B9D1: variants seen among roughly 807,000 people sequenced by gnomAD.
B9D1 encodes B9 domain containing 1.
Under a neutral mutation model 26.1 loss-of-function variants are expected in B9D1, and 20 were observed. That is an observed-to-expected ratio of 0.77 (90% CI 0.54 to 1.12). B9D1 has a LOEUF of 1.12. Ranked by LOEUF, B9D1 falls within the 50% of genes most tolerant of loss-of-function variation. B9D1 has a pLI of 0.00. For synonymous variants in B9D1, 105 were observed against 103.1 expected (o/e 1.02, Z -0.11); for missense variants, 260 against 273.7 (o/e 0.95, Z 0.35).
At chr17:19,337,471 C>G, downstream of B9D1, 1 of 482,834 alleles carries the variant, frequency 2.1e-6, no homozygotes, top group Non-Finnish European at 3.8e-6. Flanking sequence ...CCTCTGCTCT[C>G]TGTGCAAGTG....
In B9D1 at chr17:19,347,741, A is replaced by G; in HGVS notation, c.341+43T>C. 1 of 1,578,450 alleles carries G rather than the reference A, an allele frequency of 6.3e-7. No individual in the cohort carries two copies. The highest frequency in any genetic ancestry group is 1.1e-5 in the South Asian group (1 of 89,852). ...CAGAAAACGAGGTGAAGTCTGTCCT[A>G]GGACAAGTCCTGCCCAGGGCCCAGG... On this transcript the variant is annotated intron_variant, in intron 4 of 6. Transcript: ENST00000261499. This position sits in a 1 kb window ranked among gnomAD's most constrained non-coding sequence, Gnocchi z 4.3.
chr17:19,352,136 T>G (rs1909686072), intron 3 of B9D1, among the ~76,000 whole-genome samples: 1 of 152,158 alleles, frequency 6.6e-6, no homozygotes, highest in African/African-American at 2.4e-5. Flanking sequence ...TCCTACCGCC[T>G]CAGCCTCCCA....
downstream of B9D1, among the ~76,000 whole-genome samples, chr17:19,341,994 G>C (rs1908022806): frequency 6.6e-6 from 1 of 152,176 alleles, no homozygotes; most frequent in Non-Finnish European, 1.5e-5. Context: ...CCTCAATCCA[G>C]ACTTTGGAGG....
chr17:19,371,192 G>C (rs1911875456), intron 1 of B9D1: 1 of 152,568 alleles, frequency 6.6e-6, no homozygotes, highest in South Asian at 2.1e-4. Flanking sequence ...TGTGCGTCCT[G>C]TGTGTGGATT....
Position 19,372,730 on chromosome 17 carries a change from G to C in B9D1, c.-298+5129C>G, listed in dbSNP as rs990513761. ...GATGCCCCGGCCTCCATGTGACGGA[G>C]CTGGATTCAAACCCAGGTGTTTCTG... is the stretch of plus-strand genomic sequence containing the variant. On this transcript the variant is annotated intron_variant, in intron 1 of 5. Coordinates refer to the B9D1 transcript ENST00000477478. This position sits in a 1 kb window ranked among gnomAD's most constrained non-coding sequence, Gnocchi z 4.4. 6.6e-6 allele frequency among the ~76,000 whole-genome samples: 1 copy of C among 152,198 alleles called. No homozygotes were observed. Among genetic ancestry groups the C allele is most frequent in the Non-Finnish European group, 1.5e-5 (1 of 68,048 alleles).
downstream of B9D1, among the ~76,000 whole-genome samples, chr17:19,337,002 T>A (rs1907505207): frequency 6.6e-6 from 1 of 152,226 alleles, no homozygotes; most frequent in African/African-American, 2.4e-5. Flanking sequence ...GCCCTCTTAA[T>A]GCGGCCTTGT....
Position 19,343,874 on chromosome 17 carries a change from A to C in B9D1, c.405-17T>G. On this transcript the variant is annotated splice_polypyrimidine_tract_variant and intron_variant, in intron 5 of 6. Transcript: ENST00000261499. ...ATGAACCAGCTGGGAACACAGAAGA[A>C]CACAGGTGAGCAGGGCCCCACCTGG... The C allele has an allele frequency of 6.2e-7, 1 of 1,613,760 alleles. No individual in the cohort carries two copies. The highest frequency in any genetic ancestry group is 8.5e-7 in the Non-Finnish European group (1 of 1,179,852).
At chr17:19,354,620 G>A (rs1295107967) in intron 3 of B9D1, among the ~76,000 whole-genome samples, 1 of 152,134 alleles carries the variant, frequency 6.6e-6, no homozygotes, top group Non-Finnish European at 1.5e-5. Context: ...ATGAGGTCAG[G>A]AGTTCAAGAC....
At chr17:19,362,922 C>T (rs988895433), upstream of B9D1, 1 of 393,584 alleles carries the variant, frequency 2.5e-6, no homozygotes, top group South Asian at 2.1e-5. Context: ...CGGCCCGGCT[C>T]CCCGTCCCCG....
downstream of B9D1, chr17:19,341,306 C>G: frequency 8.1e-7 from 1 of 1,232,112 alleles, no homozygotes; most frequent in East Asian, 3.2e-5. Context: ...GAGAAGACAG[C>G]TTTCCGGGGA....
intron 1 of B9D1, among the ~76,000 whole-genome samples, chr17:19,374,900 A>G (rs1912037969): frequency 6.6e-6 from 1 of 152,232 alleles, no homozygotes. Flanking sequence ...TAATAAGGTA[A>G]TATCTGTATC....
upstream of B9D1, among the ~76,000 whole-genome samples, chr17:19,365,716 T>C (rs1911556512): frequency 6.6e-6 from 1 of 152,140 alleles, no homozygotes; most frequent in Non-Finnish European, 1.5e-5. The surrounding 1 kb of genome is among the most constrained non-coding windows in gnomAD (Gnocchi z 5.0). Flanking sequence ...CTGCCTGCAG[T>C]GGAATCCTAT....
chr17:19,355,528 T>TAA (rs368938633), intron 3 of B9D1, among the ~76,000 whole-genome samples: 292 of 138,066 alleles, frequency 2.1e-3, no homozygotes, highest in South Asian at 0.011. Context: ...TGTCTGCAAT[T>TAA]AAAAAAAAAA....
chr17:19,345,795 G>A (rs950140186), intron 5 of B9D1, among the ~76,000 whole-genome samples: 1 of 152,212 alleles, frequency 6.6e-6, no homozygotes, highest in African/African-American at 2.4e-5. Flanking sequence ...TTTGGGGCAG[G>A]CCCTAGGCCA....
At chr17:19,344,830 A>G (rs1227832536) in intron 5 of B9D1, among the ~76,000 whole-genome samples, 1 of 152,236 alleles carries the variant, frequency 6.6e-6, no homozygotes, top group Non-Finnish European at 1.5e-5. Flanking sequence ...ACAGCCAGGG[A>G]GCACTGCCCA....
In B9D1 at chr17:19,357,826, C is replaced by T. The variant is rs531801663; in HGVS notation, c.244+14G>A. On this transcript the variant is annotated intron_variant, in intron 3 of 6. Transcript: ENST00000261499. ...GCTCTGCCACCCTACCCCACAGGGCCCCTGCAGACTCACAGCCGTAGGGGT... is the reference window on the plus strand; with the variant it reads ...GCTCTGCCACCCTACCCCACAGGGCTCCTGCAGACTCACAGCCGTAGGGGT... 5.6e-6 allele frequency: 9 copies of T among 1,603,140 alleles called. No homozygotes were observed. The highest frequency in any genetic ancestry group is 1.3e-5 in the African/African-American group (1 of 74,826).
At chr17:19,344,191 A>G (rs11204301) in intron 5 of B9D1, among the ~76,000 whole-genome samples, 148,009 of 152,252 alleles carry the variant, frequency 0.97, 72,192 homozygotes, top group African/African-American at 1. Context: ...TGGGGGTGCT[A>G]CCTGAACCCC....
downstream of B9D1, chr17:19,341,428 G>A (rs1008578330): frequency 5.0e-6 from 4 of 807,470 alleles, no homozygotes; most frequent in South Asian, 2.6e-4. Flanking sequence ...CTGGCGTGAA[G>A]GAGCCCGTGT....
At chr17:19,352,787 C>T (rs1909799429) in intron 3 of B9D1, among the ~76,000 whole-genome samples, 1 of 152,036 alleles carries the variant, frequency 6.6e-6, no homozygotes, top group African/African-American at 2.4e-5. Flanking sequence ...TCCCAAAGTA[C>T]TGGGATTACA....
Sources: gnomAD v4.1 joint callset for allele counts (sites outside exome capture counted in the v4.1 genomes callset) on GRCh38, gnomAD v4.1.1 for gene constraint, Gnocchi (gnomAD v3.1) non-coding constraint, MANE v1.5 for transcripts, NCBI Gene and HGNC (gene_info 2026-07-23, HGNC 2026-07-21) for gene names.